Variants in CALY observed in about 807,000 individuals in gnomAD.
CALY encodes neuron-specific vesicular protein calcyon.
A neutral mutation model predicts 20.2 loss-of-function variants in CALY; 15 were observed. The observed-to-expected ratio is 0.74, with a 90% CI of 0.50 to 1.14. The LOEUF is 1.14. Among genes scored for constraint, CALY ranks in the 50% most tolerant of loss-of-function variants. The pLI is 0.00. For missense variants in CALY, 270 were observed against 304.4 expected (o/e 0.89, Z 0.84); for synonymous variants, 129 against 131.8 (o/e 0.98, Z 0.15).
In CALY at chr10:133,324,285, C is replaced by T. The variant is rs1046248139; in HGVS notation, c.*1310G>A. ...CATGGCCCTGCCTTCCCTGACCCCA[C>T]CTGGCTGGCTTCCAGCTCACCATGG... On this transcript the variant is annotated 3_prime_UTR_variant, in exon 6 of 6. Transcript: ENST00000252939. The T allele has an allele frequency of 2.2e-6, 1 of 453,550 alleles. No individual in the cohort carries two copies. Among genetic ancestry groups the T allele is most frequent in the Middle Eastern group, 4.7e-4 (1 of 2,126 alleles). 28.1% of individuals were successfully genotyped at this position (453,550 alleles called of 1,614,324 possible). A position where few individuals can be genotyped will look rare whatever the true frequency, so the allele number is the denominator to read the frequency against.
chr10:133,335,173 C>T (rs944348181), intron 1 of CALY, among the ~76,000 whole-genome samples: 1 of 152,058 alleles, frequency 6.6e-6, no homozygotes, highest in Non-Finnish European at 1.5e-5. Flanking sequence ...TGGAGCTTGG[C>T]CCGCGGGGGT....
intron 2 of CALY, 57 bp from the exon 3 acceptor site, chr10:133,328,072 C>A (rs762860242): frequency 1.7e-5 from 18 of 1,030,020 alleles, no homozygotes; most frequent in Non-Finnish European, 2.5e-5. Context: ...CCAAGAGAGC[C>A]CTGAACTGAG....
At chr10:133,327,651 C>A in intron 3 of CALY, 1 of 613,650 alleles carries the variant, frequency 1.6e-6, no homozygotes. Context: ...CACTCGCGGG[C>A]ACTTCCCAGA....
intron 2 of CALY, 83 bp downstream of exon 2, chr10:133,328,772 C>A: frequency 7.3e-7 from 1 of 1,370,776 alleles, no homozygotes; most frequent in Non-Finnish European, 9.7e-7. Flanking sequence ...TGGGAAGAGG[C>A]CATATCTAGA....
At position 133,326,365 on chromosome 10, in the gene CALY, C is replaced by T. The variant is rs575259497; in HGVS notation, c.361-245G>A. ...GGGCGCAGACACCAGTGGACCTGCCCAGCGCAGCAAGGACTCTGCGGAGCG... is the reference window on the plus strand; with the variant it reads ...GGGCGCAGACACCAGTGGACCTGCCTAGCGCAGCAAGGACTCTGCGGAGCG... On this transcript the variant is annotated intron_variant, in intron 4 of 5. Coordinates refer to ENST00000252939, the MANE Select transcript of CALY (RefSeq NM_015722.4). 43 of 1,170,138 alleles carry T rather than the reference C, an allele frequency of 3.7e-5. No homozygotes were observed. The Admixed American group carries it at 4.0e-4, about 11-fold the overall frequency. The allele number at this position is 1,170,138 out of a possible 1,614,324, so 72.5% of individuals were successfully genotyped here.
chr10:133,333,644 A>C (rs1848361348), intron 1 of CALY, among the ~76,000 whole-genome samples: 1 of 119,426 alleles, frequency 8.4e-6, no homozygotes, highest in Non-Finnish European at 1.8e-5. Context: ...AAGATCTGAG[A>C]GTGGAAGGCT....
At chr10:133,332,350 A>G (rs1848324190) in intron 1 of CALY, among the ~76,000 whole-genome samples, 1 of 152,222 alleles carries the variant, frequency 6.6e-6, no homozygotes, top group African/African-American at 2.4e-5. Context: ...TTACACAGAG[A>G]AGTCTACTCC....
chr10:133,329,056 T>A, intron 1 of CALY, 47 bp from the exon 2 acceptor site: 1 of 1,459,432 alleles, frequency 6.9e-7, no homozygotes, highest in Non-Finnish European at 9.1e-7. Context: ...GCCCCCTGGA[T>A]GCCCACGCCA....
Position 133,324,649 on chromosome 10 carries a change from AGAGCTGCTGCTGGC to A in CALY, c.*932_*945del. 1 of 347,204 alleles carries A rather than the reference AGAGCTGCTGCTGGC, an allele frequency of 2.9e-6. No individual in the cohort carries two copies. The highest frequency in any genetic ancestry group is 5.5e-6 in the Non-Finnish European group (1 of 180,270). The allele number at this position is 347,204 out of a possible 1,614,324, so 21.5% of individuals were successfully genotyped here. A position where few individuals can be genotyped will look rare whatever the true frequency, so the allele number is the denominator to read the frequency against. ...TGCTGGCTGGGGTGGGCGGGGCTGCAGAGCTGCTGCTGGCTGGGGTGGTGCAGGTGGTGGGTGAG... is the reference window on the plus strand; with the variant it reads ...TGCTGGCTGGGGTGGGCGGGGCTGCATGGGGTGGTGCAGGTGGTGGGTGAG... On this transcript the variant is annotated 3_prime_UTR_variant, in exon 6 of 6. Coordinates refer to ENST00000252939, the MANE Select transcript of CALY (RefSeq NM_015722.4).
Position 133,324,871 on chromosome 10 carries a change from G to T in CALY, c.*724C>A, listed in dbSNP as rs1213286841. ...ATCTTTCATCTGGCTCCAGGGACAC[G>T]GGAGACCCCAGCCCCCAGGAACCAG... On this transcript the variant is annotated 3_prime_UTR_variant, in exon 6 of 6. Transcript: ENST00000252939. 1 of 289,078 alleles carries T rather than the reference G, an allele frequency of 3.5e-6. No individual in the cohort carries two copies. The highest frequency in any genetic ancestry group is 1.2e-4 in the East Asian group (1 of 8,298). The allele number at this position is 289,078 out of a possible 1,614,324, so 17.9% of individuals were successfully genotyped here.
chr10:133,326,920 G>A lies in CALY; in HGVS notation c.318C>T (p.Ile106=), dbSNP rs11550438. The stretch of plus-strand genomic sequence containing the variant: ...CGGGGCAGGTGAACTGGTCGTACCA[G>A]ATGGCCTTGTACATGATCAGCACGC... ...LGCVLIMYKA[I]WYDQFTCPDG... Residue 106 remains isoleucine (I), a synonymous_variant, in exon 4 of 6, where the codon ATC becomes ATT. Coordinates refer to ENST00000252939, the MANE Select transcript of CALY (RefSeq NM_015722.4). 2 of 1,611,112 alleles carry A rather than the reference G, an allele frequency of 1.2e-6. No homozygotes were observed. Among genetic ancestry groups the A allele is most frequent in the Non-Finnish European group, 8.5e-7 (1 of 1,179,436 alleles).
Position 133,325,483 on chromosome 10 carries a change from G to C in CALY, c.*112C>G. On this transcript the variant is annotated 3_prime_UTR_variant, in exon 6 of 6. Coordinates refer to ENST00000252939, the MANE Select transcript of CALY (RefSeq NM_015722.4). ...GACAGAGTCAGAGACCCACGGGGGCGGGGCTGCAGCGAGGGCGCCTGGGGA... is the reference window on the plus strand; with the variant it reads ...GACAGAGTCAGAGACCCACGGGGGCCGGGCTGCAGCGAGGGCGCCTGGGGA... 1 of 198,828 alleles carries C rather than the reference G, an allele frequency of 5.0e-6. No individual in the cohort carries two copies. The highest frequency in any genetic ancestry group is 1.0e-5 in the Non-Finnish European group (1 of 98,934). The allele number at this position is 198,828 out of a possible 1,614,324, so 12.3% of individuals were successfully genotyped here. A position where few individuals can be genotyped will look rare whatever the true frequency, so the allele number is the denominator to read the frequency against.
At chr10:133,336,492 A>C (rs1848446412) in intron 1 of CALY, among the ~76,000 whole-genome samples, 2 of 151,246 alleles carry the variant, frequency 1.3e-5, no homozygotes, top group African/African-American at 4.9e-5. Flanking sequence ...CCCCCTCCCC[A>C]CCTCGGAGAC....
chr10:133,326,072 C>A lies in CALY; in HGVS notation c.409G>T (p.Asp137Tyr). Residue 137 changes from aspartate (D) to tyrosine (Y), a missense_variant, in exon 5 of 6, where the codon GAC becomes TAC. Asp to Tyr is a radical substitution (Grantham distance 160, BLOSUM62 -3). Transcript: ENST00000252939. The part of the protein sequence containing the change: ...LTLEMYYTEM[D>Y]PERHRSILAA... Reference sequence around the variant, plus strand: ...AGGATGCTGCGGTGGCGCTCGGGGTCCATCTCCGTGTAGTACATCTCCAGG... The same window carrying A: ...AGGATGCTGCGGTGGCGCTCGGGGTACATCTCCGTGTAGTACATCTCCAGG... 1 of 1,600,442 alleles carries A rather than the reference C, an allele frequency of 6.2e-7. No homozygotes were observed.
intron 1 of CALY, among the ~76,000 whole-genome samples, chr10:133,330,000 A>AGGGCCCCGCGGGGCTGGGAGAGGGC: frequency 6.6e-6 from 1 of 152,236 alleles, no homozygotes; most frequent in African/African-American, 2.4e-5. Flanking sequence ...AAGCCACAGC[A>AGGGCCCCGCGGGGCTGGGAGAGGGC]GGGCCCCGCG....
chr10:133,327,710 G>T, intron 3 of CALY, 195 bp downstream of exon 3: 1 of 683,294 alleles, frequency 1.5e-6, no homozygotes. Flanking sequence ...TGCACCTGCA[G>T]CCTCGGGAGG....
chr10:133,335,265 G>C (rs889564997), intron 1 of CALY, among the ~76,000 whole-genome samples: 1 of 152,072 alleles, frequency 6.6e-6, no homozygotes, highest in Non-Finnish European at 1.5e-5. Flanking sequence ...ACAGACGGGC[G>C]AGGGGGAGGC....
intron 1 of CALY, among the ~76,000 whole-genome samples, chr10:133,329,376 CCTT>C (rs148539604): frequency 1.4e-4 from 20 of 142,692 alleles, no homozygotes; most frequent in African/African-American, 2.9e-4. Context: ...TTCTTATTCT[CCTT>C]CTTCTTCTTC....
intron 1 of CALY, among the ~76,000 whole-genome samples, chr10:133,329,860 TTC>T (rs1848274486): frequency 6.6e-6 from 1 of 152,228 alleles, no homozygotes; most frequent in African/African-American, 2.4e-5. Flanking sequence ...TCAGTCCTCA[TTC>T]TGTCTGGCGG....
Sources: gnomAD v4.1 joint callset for allele counts (sites outside exome capture counted in the v4.1 genomes callset) on GRCh38, gnomAD v4.1.1 for gene constraint, MANE v1.5 for transcripts, NCBI Gene and HGNC (gene_info 2026-07-23, HGNC 2026-07-21) for gene names.